ADGRG1: variants seen among roughly 807,000 people sequenced by gnomAD.
ADGRG1 encodes 7-transmembrane protein with no EGF-like N-terminal domains-1.
A neutral mutation model predicts 73.5 loss-of-function variants in ADGRG1; 53 were observed. The ratio of observed to expected loss-of-function variants is 0.72; its 90% CI spans 0.58 to 0.91. The LOEUF (loss-of-function observed/expected upper bound fraction) is 0.91. ADGRG1 is among the 40% of genes least tolerant of loss of function. ADGRG1 has a pLI of 0.00. For synonymous variants in ADGRG1, 394 were observed against 374.4 expected, an observed-to-expected ratio of 1.05 and a Z score of -0.60; for missense variants, 795 against 871.8, an observed-to-expected ratio of 0.91 and a Z score of 1.11.
rs140786960 is a variant in ADGRG1, at chr16:57,629,061, AGT to A, written c.-36+263_-36+264del. On this transcript the variant is annotated intron_variant, in intron 1 of 13. Transcript: ENST00000562631. ...GTGTGAGTGAGTGTGTGTGAGTATG[AGT>A]GTGAGTGTGAGTGTGGGAGTGTATG... 18 of 503,818 alleles carry A rather than the reference AGT, an allele frequency of 3.6e-5. No individual in the cohort carries two copies. In the African/African-American group the frequency reaches 3.9e-4, roughly 11 times the overall value. The allele number at this position is 503,818 out of a possible 1,614,324, so 31.2% of individuals were successfully genotyped here.
chr16:57,651,889 C>G, intron 3 of ADGRG1: 1 of 1,406,460 alleles, frequency 7.1e-7, no homozygotes, highest in South Asian at 1.5e-5. Context: ...GGCAAGGGCC[C>G]GTCCTGAGGC....
upstream of ADGRG1, among the ~76,000 whole-genome samples, chr16:57,623,539 G>A (rs2035268492): frequency 6.6e-6 from 1 of 152,206 alleles, no homozygotes; most frequent in Admixed American, 6.5e-5. Flanking sequence ...TGCATCCTAA[G>A]GCTGGTCCTG....
chr16:57,637,263 G>A (rs1456452053), intron 1 of ADGRG1: 1 of 970,858 alleles, frequency 1.0e-6, no homozygotes, highest in African/African-American at 1.8e-5. Flanking sequence ...GGTCGGGAAT[G>A]TTGTAGGTGT....
At chr16:57,635,925 T>G in intron 1 of ADGRG1, 2 of 985,258 alleles carry the variant, frequency 2.0e-6, no homozygotes, top group Non-Finnish European at 2.4e-6. Context: ...CAAGTGCATA[T>G]CCTATGGTTT....
chr16:57,629,935 A>G, intron 1 of ADGRG1: 2 of 844,914 alleles, frequency 2.4e-6, no homozygotes, highest in Non-Finnish European at 1.4e-6. Context: ...CGTAGGGAGG[A>G]GGGGATGGGT....
At chr16:57,645,776 C>G (rs377656412) in intron 1 of ADGRG1, among the ~76,000 whole-genome samples, 1 of 152,194 alleles carries the variant, frequency 6.6e-6, no homozygotes, top group Non-Finnish European at 1.5e-5. Flanking sequence ...TCTGACCCAC[C>G]GGCAGGCTTG....
At chr16:57,655,094 C>T in intron 5 of ADGRG1, 1 of 985,006 alleles carries the variant, frequency 1.0e-6, no homozygotes, top group Non-Finnish European at 1.2e-6. Flanking sequence ...CACATGGCCA[C>T]CCCCAAGTTG....
intron 1 of ADGRG1, among the ~76,000 whole-genome samples, chr16:57,638,841 G>A (rs1224471697): frequency 1.3e-5 from 2 of 152,182 alleles, no homozygotes; most frequent in African/African-American, 4.8e-5. Flanking sequence ...GGAGGCCGAG[G>A]CGGGCATATC....
intron 13 of ADGRG1, chr16:57,663,027 CCATACATTCACA>C: frequency 4.1e-6 from 4 of 984,964 alleles, no homozygotes; most frequent in Non-Finnish European, 4.8e-6. Context: ...TAAGTGAGGC[CCATACATTCACA>C]CAGACATTTA....
chr16:57,640,707 T>C (rs1193558231), intron 1 of ADGRG1: 6 of 177,636 alleles, frequency 3.4e-5, no homozygotes, highest in African/African-American at 1.4e-4. Flanking sequence ...AGAACTTTGT[T>C]CTTCTCAGCC....
intron 1 of ADGRG1, chr16:57,631,009 C>G: frequency 2.0e-6 from 2 of 986,110 alleles, no homozygotes; most frequent in Non-Finnish European, 2.4e-6. Flanking sequence ...CAGGCAGGTG[C>G]TGTGTGGGGC....
chr16:57,641,464 G>A (rs1482778571), intron 1 of ADGRG1: 1 of 984,818 alleles, frequency 1.0e-6, no homozygotes, highest in Non-Finnish European at 1.2e-6. Flanking sequence ...CTGGCTCTTT[G>A]GCTCTTTGAG....
intron 5 of ADGRG1, among the ~76,000 whole-genome samples, chr16:57,654,413 C>G (rs373386128): frequency 4.3e-5 from 3 of 70,014 alleles, no homozygotes; most frequent in African/African-American, 1.2e-4. Context: ...CCACGCACCC[C>G]CCCCCCCCGT....
intron 5 of ADGRG1, 23 bp from the exon 6 acceptor site, chr16:57,655,376 G>A: frequency 6.2e-7 from 1 of 1,611,652 alleles, no homozygotes. Context: ...GCATTTGGCT[G>A]AGCCCTAAAG....
chr16:57,632,940 C>T (rs546758546), intron 1 of ADGRG1: 4 of 985,430 alleles, frequency 4.1e-6, no homozygotes, highest in African/African-American at 1.7e-5. Context: ...GGGCCACTTA[C>T]ACCAACTGCA....
Position 57,653,986 on chromosome 16 carries a change from G to T in ADGRG1, c.621G>T (p.Gln207His), listed in dbSNP as rs202000184. The change falls in exon 5 of 14, where the codon CAG (glutamine) becomes CAT (histidine). Residue 207 changes from glutamine to histidine, a missense_variant and splice_region_variant. Gln to His is a conservative substitution (Grantham distance 24, BLOSUM62 0). Transcript: ENST00000562631. ...ACCACCGCTTTCTCCTCCCTGCCAG[G>T]CAGTTGCAGAGCCTGGAGTCGAAAC... ...SRRPSAAPAS[Q>H]QLQSLESKLT... is the part of the protein sequence containing the mutation. 1.9e-6 allele frequency: 3 copies of T among 1,613,908 alleles called. No individual in the cohort carries two copies. The highest frequency in any genetic ancestry group is 1.7e-6 in the Non-Finnish European group (2 of 1,180,032).
In ADGRG1 at chr16:57,630,029, T is replaced by G. The variant is rs1433608157; in HGVS notation, c.-36+1227T>G. The G allele has an allele frequency of 1.3e-5, 13 of 984,212 alleles. No individual in the cohort carries two copies. The African/African-American group carries it at 2.3e-4, about 17-fold the overall frequency. The allele number at this position is 984,212 out of a possible 1,614,324, so 61.0% of individuals were successfully genotyped here. A position where few individuals can be genotyped will look rare whatever the true frequency, so the allele number is the denominator to read the frequency against. On this transcript the variant is annotated intron_variant, in intron 1 of 13. Coordinates refer to ENST00000562631, the MANE Select transcript of ADGRG1 (RefSeq NM_201525.4). Reference sequence around the variant, plus strand: ...GCTGTGTAGGAATAGCCTTTGTTGCTCCTTCAGTGGACCAAGAAAGTTATT... The same window carrying G: ...GCTGTGTAGGAATAGCCTTTGTTGCGCCTTCAGTGGACCAAGAAAGTTATT...
At chr16:57,628,450 A>G, upstream of ADGRG1, 1 of 912,020 alleles carries the variant, frequency 1.1e-6, no homozygotes, top group Non-Finnish European at 1.3e-6. Context: ...AGTCATGGGC[A>G]TCCCCCAGGA....
At chr16:57,649,987 C>G (rs2043638874) in intron 1 of ADGRG1, 1 of 207,684 alleles carries the variant, frequency 4.8e-6, no homozygotes, top group African/African-American at 2.4e-5. Context: ...CTGTGTTGCC[C>G]AGGCTGGTCT....
Sources: allele counts gnomAD v4.1 joint callset (sites outside exome capture counted in the v4.1 genomes callset), GRCh38; gene constraint gnomAD v4.1.1; transcripts MANE v1.5; gene names NCBI Gene and HGNC (gene_info 2026-07-23, HGNC 2026-07-21).